The following REEP1 variants were observed in gnomAD, a reference collection of about 807,000 sequenced individuals.
REEP1 encodes the protein receptor expression-enhancing protein 1.
In REEP1, 22 loss-of-function variants were observed where a neutral mutation model predicts 40.3. That is an observed-to-expected ratio of 0.55 (90% CI 0.39 to 0.78). REEP1 has a LOEUF of 0.78. Ranked by LOEUF, REEP1 falls within the 30% of genes least tolerant of loss-of-function variation. The probability of loss-of-function intolerance (pLI) is 0.00; values close to 1 mark genes in which losing one functional copy is unlikely to be tolerated. For synonymous variants in REEP1, 116 were observed against 139.2 expected (o/e 0.83, Z 1.17); for missense variants, 280 against 361.1 (o/e 0.78, Z 1.82).
chr2:86,302,756 T>C (rs1424457788), intron 1 of REEP1, among the ~76,000 whole-genome samples: 1 of 152,206 alleles, frequency 6.6e-6, no homozygotes, highest in Non-Finnish European at 1.5e-5. Flanking sequence ...ATCATAAACT[T>C]TTTGTATTCA....
intron 1 of REEP1, among the ~76,000 whole-genome samples, chr2:86,295,149 G>A (rs1442705719): frequency 6.6e-6 from 1 of 152,270 alleles, no homozygotes; most frequent in South Asian, 2.1e-4. Context: ...AATTATGAGT[G>A]AGTCAGGACA....
Position 86,337,220 on chromosome 2 carries a change from G to A in REEP1, c.32+259C>T. ...GAGACGCAGCCCCCACGGAACCCCC[G>A]AGCGCCCCAGCCCTCGCCGTCCCGG... On this transcript the variant is annotated intron_variant, in intron 1 of 8. Transcript: ENST00000538924. The surrounding 1 kb of genome is among the most constrained non-coding windows in gnomAD (Gnocchi z 5.8). 2 of 215,748 alleles carry A rather than the reference G, an allele frequency of 9.3e-6. No individual in the cohort carries two copies. Among genetic ancestry groups the A allele is most frequent in the East Asian group, 2.1e-4 (2 of 9,640 alleles). 13.4% of individuals were successfully genotyped at this position (215,748 alleles called of 1,614,324 possible). A position where few individuals can be genotyped will look rare whatever the true frequency, so the allele number is the denominator to read the frequency against.
intron 2 of REEP1, among the ~76,000 whole-genome samples, chr2:86,266,196 T>C (rs1320698094): frequency 6.6e-6 from 1 of 152,234 alleles, no homozygotes; most frequent in African/African-American, 2.4e-5. Flanking sequence ...AACAACTTCA[T>C]ACCATATACA....
At chr2:86,317,054 G>A (rs1680047681) in intron 1 of REEP1, among the ~76,000 whole-genome samples, 2 of 152,138 alleles carry the variant, frequency 1.3e-5, no homozygotes, top group African/African-American at 4.8e-5. Context: ...ACAGGAGGCG[G>A]TCGAGGGTGC....
intron 3 of REEP1, among the ~76,000 whole-genome samples, chr2:86,258,533 G>A (rs1180807797): frequency 6.6e-6 from 1 of 152,120 alleles, no homozygotes; most frequent in African/African-American, 2.4e-5. Flanking sequence ...AGGGGCGTGG[G>A]ATGGAGGGGA....
intron 8 of REEP1, among the ~76,000 whole-genome samples, chr2:86,217,792 C>CA (rs1674206352): frequency 6.7e-6 from 1 of 150,062 alleles, no homozygotes; most frequent in Admixed American, 6.7e-5. Context: ...TGTCCACACT[C>CA]AAAGAATTTC....
At chr2:86,243,969 G>A (rs1472777764) in intron 5 of REEP1, among the ~76,000 whole-genome samples, 1 of 152,170 alleles carries the variant, frequency 6.6e-6, no homozygotes, top group Non-Finnish European at 1.5e-5. Flanking sequence ...AGCCAGAGAG[G>A]TGAAACATAC....
intron 6 of REEP1, 86 bp from the exon 7 acceptor site, chr2:86,227,484 G>A: frequency 9.1e-7 from 1 of 1,097,488 alleles, no homozygotes; most frequent in Non-Finnish European, 1.2e-6. Context: ...CCCTGGAGAG[G>A]TGTGGGGATC....
intron 2 of REEP1, among the ~76,000 whole-genome samples, chr2:86,273,250 G>T (rs1239093854): frequency 1.3e-5 from 2 of 150,704 alleles, no homozygotes; most frequent in Non-Finnish European, 2.9e-5. Context: ...CCTTACATTG[G>T]CTTATGAGGC....
At chr2:86,267,457 C>A (rs953699598) in intron 2 of REEP1, among the ~76,000 whole-genome samples, 1 of 152,174 alleles carries the variant, frequency 6.6e-6, no homozygotes, top group Non-Finnish European at 1.5e-5. Context: ...TTATAAATTA[C>A]CCAGTCTCAG....
chr2:86,282,233 A>C lies in REEP1; in HGVS notation c.42T>G (p.Phe14Leu). 6.2e-7 allele frequency: 1 copy of C among 1,606,000 alleles called. No homozygotes were observed. Among genetic ancestry groups the C allele is most frequent in the Non-Finnish European group, 8.5e-7 (1 of 1,172,632 alleles). Residue 14 changes from phenylalanine to leucine, a missense_variant, in exon 2 of 9, where the codon TTT becomes TTG. Coordinates refer to ENST00000538924, the MANE Select transcript of REEP1 (RefSeq NM_001371279.1). ...AATAATACGCAGGGTAAAGGGTGCC[A>C]AATATAAGCCTGGAGGGAAGAGAGA... ...WIISRLVVLIFGTLYPAYYSY... is the reference protein window; with the variant it reads ...WIISRLVVLILGTLYPAYYSY...
chr2:86,325,069 G>A (rs1160728199), intron 1 of REEP1, among the ~76,000 whole-genome samples: 1 of 152,054 alleles, frequency 6.6e-6, no homozygotes, highest in African/African-American at 2.4e-5. Context: ...ATCAAGGAGA[G>A]CCCAAAAACG....
intron 1 of REEP1, among the ~76,000 whole-genome samples, chr2:86,285,578 A>G (rs574706401): frequency 5.3e-5 from 8 of 152,306 alleles, no homozygotes; most frequent in African/African-American, 1.9e-4. Flanking sequence ...TACTTACCCA[A>G]GGAGACACAT....
intron 5 of REEP1, chr2:86,251,568 G>C: frequency 3.2e-6 from 1 of 316,970 alleles, no homozygotes; most frequent in Non-Finnish European, 6.1e-6. Flanking sequence ...GTGCACCCTA[G>C]GAAACTGCAG....
intron 5 of REEP1, among the ~76,000 whole-genome samples, chr2:86,248,408 C>T (rs187761583): frequency 2.1e-4 from 32 of 152,066 alleles, no homozygotes; most frequent in Non-Finnish European, 4.0e-4. Flanking sequence ...TTGGGACAGG[C>T]CTAGTTTATT....
intron 1 of REEP1, chr2:86,336,711 A>G (rs1314798587): frequency 6.6e-6 from 1 of 152,290 alleles, no homozygotes; most frequent in Non-Finnish European, 1.5e-5. Flanking sequence ...ATGACTTCAC[A>G]CAGACCTCAC....
At chr2:86,258,590 G>A (rs940378578) in intron 3 of REEP1, among the ~76,000 whole-genome samples, 1 of 152,142 alleles carries the variant, frequency 6.6e-6, no homozygotes, top group Non-Finnish European at 1.5e-5. Flanking sequence ...CCAGGTCCTT[G>A]CCAGGCATCA....
At chr2:86,232,354 C>G (rs568778844) in intron 6 of REEP1, among the ~76,000 whole-genome samples, 2 of 152,314 alleles carry the variant, frequency 1.3e-5, no homozygotes, top group Non-Finnish European at 2.9e-5. Context: ...CCCCCAACTA[C>G]CCCCAATTCC....
chr2:86,227,417 G>A lies in REEP1; in HGVS notation c.596-19C>T, dbSNP rs948609417. On this transcript the variant is annotated intron_variant, in intron 6 of 8. Transcript: ENST00000538924. ...GTACACACTGTGGGAATGGGGTAGG[G>A]GCACCATCAGTGACATCCCCCACTG... is the stretch of plus-strand genomic sequence containing the variant. 1.6e-6 allele frequency: 2 copies of A among 1,232,242 alleles called. No individual in the cohort carries two copies. The highest frequency in any genetic ancestry group is 3.2e-5 in the East Asian group (1 of 31,722). 76.3% of individuals were successfully genotyped at this position (1,232,242 alleles called of 1,614,324 possible).
Sources: gnomAD v4.1 joint callset for allele counts (sites outside exome capture counted in the v4.1 genomes callset) on GRCh38, gnomAD v4.1.1 for gene constraint, Gnocchi (gnomAD v3.1) non-coding constraint, MANE v1.5 for transcripts, NCBI Gene and HGNC (gene_info 2026-07-23, HGNC 2026-07-21) for gene names.